WWOX: variants seen among roughly 807,000 people sequenced by gnomAD.
WWOX encodes WW domain-containing oxidoreductase.
WWOX carries 69 observed loss-of-function variants against 46.2 expected under a neutral mutation model. The ratio of observed to expected loss-of-function variants is 1.49; its 90% CI spans 1.23 to 1.82. The LOEUF is 1.82. Ranked by LOEUF, WWOX falls within the 40% of genes most tolerant of loss-of-function variation. The probability of loss-of-function intolerance (pLI) is 0.00; values close to 1 mark genes in which losing one functional copy is unlikely to be tolerated. For missense variants in WWOX, 919 were observed against 542.6 expected (o/e 1.69, Z -6.89); for synonymous variants, 359 against 202.6 (o/e 1.77, Z -6.56).
At chr16:78,869,328 T>G (rs561721530) in intron 8 of WWOX, among the ~76,000 whole-genome samples, 19 of 152,254 alleles carry the variant, frequency 1.2e-4, no homozygotes, top group Admixed American at 1.0e-3. Context: ...TTATCTTCAG[T>G]CAGAAAGTGC....
chr16:78,817,939 T>A (rs1280759408), intron 8 of WWOX, among the ~76,000 whole-genome samples: 1 of 152,114 alleles, frequency 6.6e-6, no homozygotes, highest in African/African-American at 2.4e-5. Context: ...TGCAAGTTTG[T>A]TGTGAAGAAC....
chr16:78,153,512 G>A (rs976004855), intron 4 of WWOX, among the ~76,000 whole-genome samples: 4 of 152,044 alleles, frequency 2.6e-5, no homozygotes, highest in Non-Finnish European at 2.9e-5. Flanking sequence ...TATGCATAAT[G>A]GCAGATCTCC....
rs73579350 is a variant in WWOX at position 78,863,305 on chromosome 16, C to T, written c.1057-348303C>T. On this transcript the variant is annotated intron_variant, in intron 8 of 8. Transcript: ENST00000566780. ...AAACAATGAGCAGACACTCGCAGTA[C>T]ATTCTCTACTTAGTATATTTCTTTT... Among the ~76,000 whole-genome samples the T allele has an allele frequency of 3.6e-3, 553 of 152,318 alleles. 6 individuals are homozygous for T. Among genetic ancestry groups the T allele is most frequent in the African/African-American group, 0.013 (524 of 41,576 alleles).
chr16:78,102,743 C>G (rs1257590155), intron 1 of WWOX, among the ~76,000 whole-genome samples: 1 of 152,220 alleles, frequency 6.6e-6, no homozygotes, highest in Non-Finnish European at 1.5e-5. Context: ...GGCCCTGTCT[C>G]CCTTGCCCAG....
intron 8 of WWOX, among the ~76,000 whole-genome samples, chr16:78,523,069 C>T (rs951276074): frequency 6.6e-6 from 1 of 151,814 alleles, no homozygotes; most frequent in African/African-American, 2.4e-5. Flanking sequence ...GAAACCCATC[C>T]CCCAAAAAAA....
At chr16:78,899,302 C>G (rs1258031198) in intron 8 of WWOX, 4 of 152,006 alleles carry the variant, frequency 2.6e-5, no homozygotes, top group African/African-American at 9.7e-5. Flanking sequence ...TTATATTTTT[C>G]TTATTCTTAC....
rs116814017 is a variant in WWOX, at chr16:78,810,132, A to G, written c.1056+377380A>G. Reference sequence around the variant, plus strand: ...GAGTATGGGGAAGAGGAGCCCTCATACAGTTCTGTTAAATGGTCCTTTAAT... The same window carrying G: ...GAGTATGGGGAAGAGGAGCCCTCATGCAGTTCTGTTAAATGGTCCTTTAAT... On this transcript the variant is annotated intron_variant, in intron 8 of 8. Coordinates refer to ENST00000566780, the MANE Select transcript of WWOX (RefSeq NM_016373.4). Among the ~76,000 whole-genome samples, 210 of 152,318 alleles carry G rather than the reference A, an allele frequency of 1.4e-3. 2 individuals carry two copies. Among genetic ancestry groups the G allele is most frequent in the African/African-American group, 4.9e-3 (202 of 41,572 alleles).
intron 8 of WWOX, among the ~76,000 whole-genome samples, chr16:78,927,055 C>T (rs2045514950): frequency 6.6e-6 from 1 of 152,178 alleles, no homozygotes; most frequent in Non-Finnish European, 1.5e-5. Flanking sequence ...CTTGGCCTCC[C>T]AAATTGCTGG....
At chr16:78,254,095 A>G (rs960002420) in intron 5 of WWOX, among the ~76,000 whole-genome samples, 3 of 151,676 alleles carry the variant, frequency 2.0e-5, no homozygotes, top group Non-Finnish European at 4.4e-5. Context: ...TTCTGAGACA[A>G]TGAGTTGTTC....
At chr16:78,968,707 T>C (rs1011498829) in intron 8 of WWOX, among the ~76,000 whole-genome samples, 4 of 151,872 alleles carry the variant, frequency 2.6e-5, no homozygotes, top group East Asian at 1.9e-4. Context: ...CTTCTTCCTC[T>C]TCTTCTTCTT....
At chr16:78,578,272 A>ATATATT (rs2044947314) in intron 8 of WWOX, among the ~76,000 whole-genome samples, 1 of 28,266 alleles carries the variant, frequency 3.5e-5, no homozygotes, top group African/African-American at 1.4e-4. Context: ...ATATATATAT[A>ATATATT]TATATATATA....
At chr16:78,837,313 G>T (rs1035175996) in intron 8 of WWOX, among the ~76,000 whole-genome samples, 6 of 152,288 alleles carry the variant, frequency 3.9e-5, no homozygotes, top group Admixed American at 3.9e-4. Flanking sequence ...ACTTAGAGAA[G>T]TGAACGAGGC....
chr16:78,498,364 T>C (rs779492621), intron 8 of WWOX, among the ~76,000 whole-genome samples: 1 of 152,148 alleles, frequency 6.6e-6, no homozygotes, highest in Non-Finnish European at 1.5e-5. Context: ...GATTTCACAG[T>C]TGATAGACCA....
rs988341248 is a variant in WWOX at position 78,199,096 on chromosome 16, C to G, written c.516+34807C>G. Among the ~76,000 whole-genome samples, 4 of 152,024 alleles carry G rather than the reference C, an allele frequency of 2.6e-5. No homozygotes were observed. In the South Asian group the frequency reaches 8.3e-4, roughly 31 times the overall value. On this transcript the variant is annotated intron_variant, in intron 5 of 8. Transcript: ENST00000566780. Reference sequence around the variant, plus strand: ...TGGGAGGCTGAGGTGGATGGATCACCAGGTCAGGAGATTGAGACCATCCTG... The same window carrying G: ...TGGGAGGCTGAGGTGGATGGATCACGAGGTCAGGAGATTGAGACCATCCTG...
At chr16:78,535,300 A>G (rs1453821172) in intron 8 of WWOX, 1 of 152,192 alleles carries the variant, frequency 6.6e-6, no homozygotes, top group Non-Finnish European at 1.5e-5. Context: ...GTCTCTGGAA[A>G]CGCCCTCTGT....
chr16:78,957,992 A>T (rs1412818356), intron 8 of WWOX, among the ~76,000 whole-genome samples: 1 of 152,112 alleles, frequency 6.6e-6, no homozygotes, highest in African/African-American at 2.4e-5. Flanking sequence ...GTTTTATTTA[A>T]TGCGTTTCTA....
intron 8 of WWOX, among the ~76,000 whole-genome samples, chr16:78,464,246 C>T (rs566043101): frequency 6.7e-5 from 10 of 148,830 alleles, no homozygotes; most frequent in African/African-American, 1.7e-4. Context: ...GAGGGAGAGA[C>T]GGAGGGAGAT....
chr16:78,565,942 A>C (rs147962689), intron 8 of WWOX, among the ~76,000 whole-genome samples: 1,694 of 129,098 alleles, frequency 0.013, 25 homozygotes, highest in Middle Eastern at 0.066. Context: ...TATTCATACA[A>C]TGGCGATTGT....
chr16:78,760,511 C>G (rs2049766012), intron 8 of WWOX, among the ~76,000 whole-genome samples: 1 of 152,148 alleles, frequency 6.6e-6, no homozygotes, highest in South Asian at 2.1e-4. Context: ...ATTACTCAGC[C>G]CAACACACTC....
Sources: allele counts gnomAD v4.1 joint callset (sites outside exome capture counted in the v4.1 genomes callset), GRCh38; gene constraint gnomAD v4.1.1; transcripts MANE v1.5; gene names NCBI Gene and HGNC (gene_info 2026-07-23, HGNC 2026-07-21).